Variants in SLC10A7 observed in about 807,000 individuals in gnomAD.
The protein encoded by SLC10A7 is sodium/bile acid cotransporter 7.
A neutral mutation model predicts 43.2 loss-of-function variants in SLC10A7; 29 were observed. The ratio of observed to expected loss-of-function variants is 0.67; its 90% confidence interval spans 0.50 to 0.92. The LOEUF (loss-of-function observed/expected upper bound fraction) is 0.92, where lower values mean the gene tolerates loss of function less well. Among genes scored for constraint, SLC10A7 ranks in the 40% least tolerant of loss-of-function variants. The probability of loss-of-function intolerance (pLI) is 0.00; values close to 1 mark genes in which losing one functional copy is unlikely to be tolerated. For synonymous variants in SLC10A7, 152 were observed against 144.8 expected (o/e 1.05, Z -0.35); for missense variants, 295 against 403.2 (o/e 0.73, Z 2.30).
chr4:146,427,461 CTT>C (rs1268378302), intron 5 of SLC10A7, among the ~76,000 whole-genome samples: 14 of 152,024 alleles, frequency 9.2e-5, no homozygotes, highest in Admixed American at 5.9e-4. Context: ...AACCTTTTGA[CTT>C]CAACAGTTGT....
chr4:146,497,363 C>CT (rs1735991253), intron 4 of SLC10A7, among the ~76,000 whole-genome samples: 1 of 152,180 alleles, frequency 6.6e-6, no homozygotes, highest in Non-Finnish European at 1.5e-5. Context: ...CCAGATCTGA[C>CT]TAAAGACTCC....
chr4:146,400,055 C>T (rs1739120796), intron 5 of SLC10A7, among the ~76,000 whole-genome samples: 1 of 152,010 alleles, frequency 6.6e-6, no homozygotes, highest in Non-Finnish European at 1.5e-5. Flanking sequence ...TTAGAGGTTA[C>T]AGAACCTATG....
chr4:146,435,323 TAC>T (rs147852045), intron 5 of SLC10A7, among the ~76,000 whole-genome samples: 2,616 of 152,296 alleles, frequency 0.017, 68 homozygotes, highest in African/African-American at 0.06. Flanking sequence ...ACCAAGTTTA[TAC>T]AGTTTATGCA....
chr4:146,418,711 A>G (rs1728748105), intron 5 of SLC10A7, among the ~76,000 whole-genome samples: 1 of 152,140 alleles, frequency 6.6e-6, no homozygotes. Context: ...CCCACACACC[A>G]AGCAATTCTC....
chr4:146,354,593 C>G (rs967009848), intron 5 of SLC10A7, among the ~76,000 whole-genome samples: 2 of 148,740 alleles, frequency 1.3e-5, no homozygotes, highest in African/African-American at 5.0e-5. Flanking sequence ...CAATCCTAAG[C>G]CAAAAGAACA....
At chr4:146,383,440 A>G (rs1398745889) in intron 5 of SLC10A7, among the ~76,000 whole-genome samples, 1 of 152,144 alleles carries the variant, frequency 6.6e-6, no homozygotes, top group Non-Finnish European at 1.5e-5. Flanking sequence ...ATCTCATTTC[A>G]TCCTCTTCAT....
At chr4:146,514,971 T>G in intron 2 of SLC10A7, 1 of 588,692 alleles carries the variant, frequency 1.7e-6, no homozygotes. Flanking sequence ...GATACCACGA[T>G]AAAGCACGAG....
intron 5 of SLC10A7, among the ~76,000 whole-genome samples, chr4:146,378,825 T>C (rs950091474): frequency 5.9e-5 from 9 of 152,200 alleles, no homozygotes; most frequent in Non-Finnish European, 1.0e-4. Flanking sequence ...CTTCCTGTAC[T>C]TCACATTTTA....
chr4:146,441,892 A>G, intron 5 of SLC10A7: 1 of 982,904 alleles, frequency 1.0e-6, no homozygotes. Flanking sequence ...AATACATACA[A>G]TAATAATTAA....
chr4:146,266,344 G>C (rs1193500624), intron 10 of SLC10A7, among the ~76,000 whole-genome samples: 1 of 151,958 alleles, frequency 6.6e-6, no homozygotes, highest in Non-Finnish European at 1.5e-5. Context: ...AATTGCTATT[G>C]AGGAACACAG....
chr4:146,270,897 CTCT>C (rs1329627529), intron 10 of SLC10A7, among the ~76,000 whole-genome samples: 3 of 152,224 alleles, frequency 2.0e-5, no homozygotes, highest in South Asian at 2.1e-4. Context: ...AACTGCCAGA[CTCT>C]TCTTCTAATA....
intron 5 of SLC10A7, among the ~76,000 whole-genome samples, chr4:146,354,441 A>T (rs1293152262): frequency 6.6e-6 from 1 of 152,042 alleles, no homozygotes; most frequent in Admixed American, 6.5e-5. Flanking sequence ...AAGAATCAAT[A>T]TCGTGAAAAT....
chr4:146,263,248 G>T (rs893126554), intron 10 of SLC10A7, among the ~76,000 whole-genome samples: 1 of 152,118 alleles, frequency 6.6e-6, no homozygotes, highest in African/African-American at 2.4e-5. Flanking sequence ...GCTTACCTAC[G>T]CCAGGGCATT....
At chr4:146,286,151 TGAGTTTGGAGTGGTGAGAAGGACG>T (rs1445490168) in intron 9 of SLC10A7, among the ~76,000 whole-genome samples, 1 of 151,454 alleles carries the variant, frequency 6.6e-6, no homozygotes, top group Non-Finnish European at 1.5e-5. Context: ...TGAGAAGGAC[TGAGTTTGGAGTGGTGAGAAGGACG>T]GAGTTTGGAG....
At chr4:146,482,228 C>A (rs534478259) in intron 4 of SLC10A7, among the ~76,000 whole-genome samples, 1 of 152,016 alleles carries the variant, frequency 6.6e-6, no homozygotes, top group Non-Finnish European at 1.5e-5. Flanking sequence ...AAGAATGATA[C>A]CACCAAAGGA....
At chr4:146,521,016 T>C (rs1347822142) in intron 1 of SLC10A7, among the ~76,000 whole-genome samples, 1 of 152,074 alleles carries the variant, frequency 6.6e-6, no homozygotes, top group Non-Finnish European at 1.5e-5. Context: ...AGACTGCTAG[T>C]ATAGCAACTG....
intron 8 of SLC10A7, 66 bp from the exon 9 acceptor site, chr4:146,293,046 T>C: frequency 6.0e-6 from 6 of 995,756 alleles, no homozygotes; most frequent in Non-Finnish European, 9.0e-6. Flanking sequence ...TACTTATTGG[T>C]ATACTTGTTT....
chr4:146,516,681 G>T (rs1738029878), intron 2 of SLC10A7, among the ~76,000 whole-genome samples: 1 of 151,944 alleles, frequency 6.6e-6, no homozygotes, highest in Non-Finnish European at 1.5e-5. Context: ...ATCCACAAAA[G>T]TTATGAAAAC....
chr4:146,498,361 CCCA>C (rs1560967965), intron 4 of SLC10A7, among the ~76,000 whole-genome samples: 1 of 151,872 alleles, frequency 6.6e-6, no homozygotes, highest in Non-Finnish European at 1.5e-5. Context: ...CAGGTGATCC[CCCA>C]GCCTCGGCCT....
Sources: gnomAD v4.1 joint callset for allele counts (sites outside exome capture counted in the v4.1 genomes callset) on GRCh38, gnomAD v4.1.1 for gene constraint, MANE v1.5 for transcripts, NCBI Gene and HGNC (gene_info 2026-07-23, HGNC 2026-07-21) for gene names.